UBR4: variants seen among roughly 807,000 people sequenced by gnomAD.
The protein encoded by UBR4 is E3 ubiquitin-protein ligase UBR4.
A neutral mutation model predicts 575.6 loss-of-function variants in UBR4; 124 were observed. The ratio of observed to expected loss-of-function variants is 0.22; its 90% CI spans 0.19 to 0.25. The LOEUF (loss-of-function observed/expected upper bound fraction) is 0.25, where lower values mean the gene tolerates loss of function less well. Ranked by LOEUF, UBR4 falls within the 10% of genes least tolerant of loss-of-function variation. The pLI, the probability that UBR4 is intolerant of heterozygous loss-of-function variation, is 1.00. For missense variants in UBR4, 4,818 were observed against 6,478.8 expected (o/e 0.74, Z 8.80); for synonymous variants, 2,455 against 2,473.7 (o/e 0.99, Z 0.22).
At chr1:19,196,095 G>A (rs955178868) in intron 8 of UBR4, among the ~76,000 whole-genome samples, 10 of 151,746 alleles carry the variant, frequency 6.6e-5, no homozygotes, top group Admixed American at 1.3e-4. Flanking sequence ...TAGCCAAGCC[G>A]AGATCCTACC....
At position 19,105,764 on chromosome 1, in the gene UBR4, G is replaced by A. The variant is rs1468616434; in HGVS notation, c.12472C>T (p.Arg4158Cys). The A allele has an allele frequency of 1.9e-6, 3 of 1,609,892 alleles. No individual in the cohort carries two copies. The highest frequency in any genetic ancestry group is 1.1e-5 in the South Asian group (1 of 90,554). The change falls in exon 84 of 106, where the codon CGC becomes TGC. Residue 4158 changes from arginine to cysteine, a missense_variant. Coordinates refer to ENST00000375254, the MANE Select transcript of UBR4 (RefSeq NM_020765.3). ...IVEALATIPSRKQQVLDLLTS... is the reference protein window; with the variant it reads ...IVEALATIPSCKQQVLDLLTS... ...AGCAGGTCCAGGACCTGCTGCTTGC[G>A]GCTGGGAATGGTGGCTAGAGCTTCC...
Position 19,119,592 on chromosome 1 carries a change from A to G in UBR4, c.10420T>C (p.Tyr3474His). The G allele has an allele frequency of 6.2e-7, 1 of 1,613,984 alleles. No homozygotes were observed. The highest frequency in any genetic ancestry group is 8.5e-7 in the Non-Finnish European group (1 of 1,179,848). ...KAAQFVDLLG[Y>H]FSLKTPQTEK... Reference sequence around the variant, plus strand: ...GTTTGTGGAGTTTTCAGGGAGAAATATCCTAGTAGGTCCACAAACTGGGCA... The same window carrying G: ...GTTTGTGGAGTTTTCAGGGAGAAATGTCCTAGTAGGTCCACAAACTGGGCA... The change falls in exon 70 of 106, where the codon TAT becomes CAT. Residue 3474 changes from tyrosine to histidine, a missense_variant. Physicochemically the swap from Tyr to His is moderately conservative, Grantham distance 83. Coordinates refer to ENST00000375254, the MANE Select transcript of UBR4 (RefSeq NM_020765.3).
At chr1:19,141,891 G>C in intron 55 of UBR4, 114 bp from the exon 56 acceptor site, 1 of 1,455,526 alleles carries the variant, frequency 6.9e-7, no homozygotes, top group Non-Finnish European at 9.3e-7. Flanking sequence ...TAGCACCCTG[G>C]GCTTTAGCGG....
chr1:19,191,740 G>C (rs975590808), intron 11 of UBR4, among the ~76,000 whole-genome samples: 1 of 152,058 alleles, frequency 6.6e-6, no homozygotes, highest in African/African-American at 2.4e-5. Flanking sequence ...AACGAAACCT[G>C]AACAGTACAT....
intron 93 of UBR4, among the ~76,000 whole-genome samples, 193 bp downstream of exon 93, chr1:19,095,352 G>T (rs2274007): frequency 0.18 from 26,687 of 152,154 alleles, 2,495 homozygotes; most frequent in African/African-American, 0.23. Flanking sequence ...CATGGCAGCA[G>T]CATGGGGGCA....
intron 103 of UBR4, chr1:19,079,780 G>A (rs190582326): frequency 3.9e-5 from 6 of 152,392 alleles, no homozygotes; most frequent in East Asian, 3.9e-4. Context: ...CCGGGCTCAC[G>A]GCCCCGGACC....
At chr1:19,163,681 AG>A in intron 34 of UBR4, 82 bp downstream of exon 34, 1 of 1,434,542 alleles carries the variant, frequency 7.0e-7, no homozygotes, top group Non-Finnish European at 9.8e-7. Flanking sequence ...AGAACTCAAT[AG>A]GAACGAGAGA....
chr1:19,132,841 T>A, intron 60 of UBR4, among the ~76,000 whole-genome samples: 1 of 151,924 alleles, frequency 6.6e-6, no homozygotes, highest in East Asian at 1.9e-4. Context: ...ATGAACAGGC[T>A]CACGCCAGTA....
Position 19,201,771 on chromosome 1 carries a change from T to C in UBR4, c.221A>G (p.Tyr74Cys). ...LHHEKQYEPF[Y>C]SSFVALSTHY... is the part of the protein sequence containing the mutation. Reference sequence around the variant, plus strand: ...TGTGGAAAGTGCAACAAAAGATGAGTAGAATGGCTCGTACTGCTTCTCATG... The same window carrying C: ...TGTGGAAAGTGCAACAAAAGATGAGCAGAATGGCTCGTACTGCTTCTCATG... Residue 74 changes from tyrosine (Y) to cysteine (C), a missense_variant, in exon 2 of 106, where the codon TAC (tyrosine) becomes TGC (cysteine). Tyr to Cys is a radical substitution (Grantham distance 194, BLOSUM62 -2). Coordinates refer to ENST00000375254, the MANE Select transcript of UBR4 (RefSeq NM_020765.3). 6.2e-7 allele frequency: 1 copy of C among 1,614,056 alleles called. No homozygotes were observed. The highest frequency in any genetic ancestry group is 2.2e-5 in the East Asian group (1 of 44,874).
intron 100 of UBR4, 135 bp from the exon 101 acceptor site, chr1:19,086,405 C>G: frequency 1.6e-6 from 2 of 1,286,482 alleles, no homozygotes; most frequent in East Asian, 2.5e-5. Flanking sequence ...CCTGACCCTG[C>G]GAAGAGAATT....
At chr1:19,149,856 G>A in intron 49 of UBR4, 1 of 1,261,820 alleles carries the variant, frequency 7.9e-7, no homozygotes, top group Non-Finnish European at 1.0e-6. Context: ...GAGAAACCCG[G>A]AAACACATCC....
chr1:19,198,740 C>T, intron 4 of UBR4, 59 bp downstream of exon 4: 2 of 1,612,340 alleles, frequency 1.2e-6, no homozygotes, highest in South Asian at 1.1e-5. Context: ...GGCAAAGGTG[C>T]CATGGAAAAG....
rs1478501219 is a variant in UBR4 at position 19,148,125 on chromosome 1, C to T, written c.7497G>A (p.Glu2499=). The T allele has an allele frequency of 1.2e-6, 2 of 1,604,758 alleles. No individual in the cohort carries two copies. Among genetic ancestry groups the T allele is most frequent in the East Asian group, 2.2e-5 (1 of 44,746 alleles). The change falls in exon 51 of 106, where the codon GAG becomes GAA. Residue 2499 remains glutamate, a splice_region_variant and synonymous_variant. Transcript: ENST00000375254. ...CFAVGPIIEK[E]RNKNAAQELA... ...GCTCCTGAGCAGCATTCTTGTTTCT[C>T]TCCTAAGGCAAAAGACAGCAGGGTT... is the stretch of plus-strand genomic sequence containing the variant.
Position 19,114,076 on chromosome 1 carries a change from C to A in UBR4, c.11203-6G>T. The A allele has an allele frequency of 6.2e-7, 1 of 1,608,734 alleles. No homozygotes were observed. Among genetic ancestry groups the A allele is most frequent in the African/African-American group, 1.3e-5 (1 of 74,986 alleles). On this transcript the variant is annotated splice_polypyrimidine_tract_variant and splice_region_variant and intron_variant, in intron 75 of 105. Coordinates refer to ENST00000375254, the MANE Select transcript of UBR4 (RefSeq NM_020765.3). ...GTATTGATGTTGGATACAGCCTAGA[C>A]AGGAAAAGACAGGGACTGAGTGAAG...
In UBR4 at chr1:19,141,350, G is replaced by T; in HGVS notation, c.8485C>A (p.Gln2829Lys). The change falls in exon 57 of 106, where the codon CAA (glutamine) becomes AAA (lysine). Residue 2829 changes from glutamine (Q) to lysine (K), a missense_variant. This residue lies in a region of UBR4 where 129 missense variants were observed against 198.4 expected (regional missense o/e 0.65). Transcript: ENST00000375254. ...TGTTCTTGGCATGGCCTTCTACCTT[G>T]TTGGTCCTGCTGCAGGCTCAGGGCA... ...AIALSLQQDQ[Q>K]GSSSSALGLQ... 6.2e-7 allele frequency: 1 copy of T among 1,614,232 alleles called. No individual in the cohort carries two copies. The highest frequency in any genetic ancestry group is 8.5e-7 in the Non-Finnish European group (1 of 1,180,038).
Position 19,089,108 on chromosome 1 carries a change from CT to C in UBR4, c.14212-132del. On this transcript the variant is annotated intron_variant, in intron 97 of 105. Coordinates refer to ENST00000375254, the MANE Select transcript of UBR4 (RefSeq NM_020765.3). The surrounding 1 kb of genome is among the most constrained non-coding windows in gnomAD (Gnocchi z 4.3). ...TCACCTGCTCAGCTGCAATCAGGTC[CT>C]TTGATTCCACACTTTGACAGACACA... The C allele has an allele frequency of 1.1e-6, 1 of 883,344 alleles. No individual in the cohort carries two copies. Among genetic ancestry groups the C allele is most frequent in the Non-Finnish European group, 1.7e-6 (1 of 578,378 alleles). 54.7% of individuals were successfully genotyped at this position (883,344 alleles called of 1,614,324 possible). A position where few individuals can be genotyped will look rare whatever the true frequency, so the allele number is the denominator to read the frequency against.
chr1:19,091,210 G>A (rs1166271579), intron 97 of UBR4, among the ~76,000 whole-genome samples: 1 of 152,064 alleles, frequency 6.6e-6, no homozygotes, highest in African/African-American at 2.4e-5. Flanking sequence ...ATACAAAAGA[G>A]AGATGTTACA....
At chr1:19,205,119 C>T (rs907612207) in intron 1 of UBR4, among the ~76,000 whole-genome samples, 30 of 152,166 alleles carry the variant, frequency 2.0e-4, no homozygotes, top group South Asian at 2.1e-4. Context: ...ACAACAGCAC[C>T]GCTGAGCGTG....
chr1:19,197,316 T>G, intron 7 of UBR4, 51 bp from the exon 8 acceptor site: 1 of 1,610,932 alleles, frequency 6.2e-7, no homozygotes, highest in Non-Finnish European at 8.5e-7. Flanking sequence ...TTCACTTCTA[T>G]AATGTGACAG....
Sources: gnomAD v4.1 joint callset for allele counts (sites outside exome capture counted in the v4.1 genomes callset) on GRCh38, gnomAD v4.1.1 for gene constraint, gnomAD v4.1.1 regional missense constraint, Gnocchi (gnomAD v3.1) non-coding constraint, MANE v1.5 for transcripts, NCBI Gene and HGNC (gene_info 2026-07-23, HGNC 2026-07-21) for gene names.